SLC1A3: variants seen among roughly 807,000 people sequenced by gnomAD.
SLC1A3 encodes the protein solute carrier family 1 member 3, also known as excitatory amino acid transporter 1.
A neutral mutation model predicts 48.1 loss-of-function variants in SLC1A3; 21 were observed. The observed-to-expected ratio is 0.44, with a 90% CI of 0.31 to 0.63. The LOEUF is 0.63. SLC1A3 is among the 20% of genes least tolerant of loss of function. The pLI, the probability that SLC1A3 is intolerant of heterozygous loss-of-function variation, is 0.08. For missense variants in SLC1A3, 546 were observed against 689.0 expected (o/e 0.79, Z 2.32); for synonymous variants, 239 against 251.4 (o/e 0.95, Z 0.47).
At chr5:36,597,233 C>CCT (rs1738753242) in intron 1 of SLC1A3, among the ~76,000 whole-genome samples, 1 of 46,084 alleles carries the variant, frequency 2.2e-5, no homozygotes, top group South Asian at 1.2e-3. Context: ...TTCTTCCTTT[C>CCT]TTTTTTTTTT....
At chr5:36,612,719 G>A (rs2111678009) in intron 2 of SLC1A3, 2 of 447,508 alleles carry the variant, frequency 4.5e-6, no homozygotes, top group Non-Finnish European at 9.0e-6. Context: ...CAGAGAGGGA[G>A]GTAATTTTAT....
At chr5:36,623,862 CAAAA>C (rs5867332) in intron 2 of SLC1A3, among the ~76,000 whole-genome samples, 10 of 113,914 alleles carry the variant, frequency 8.8e-5, no homozygotes, top group Non-Finnish European at 7.2e-5. Context: ...GACACCGTCT[CAAAA>C]AAAAAAAAAA....
At chr5:36,677,209 T>C (rs1414791354) in intron 6 of SLC1A3, 25 bp downstream of exon 6, 1 of 1,592,282 alleles carries the variant, frequency 6.3e-7, no homozygotes, top group Admixed American at 1.7e-5. Context: ...TTTCTATATA[T>C]GTTATATACG....
At chr5:36,627,010 G>A (rs1739930684) in intron 2 of SLC1A3, among the ~76,000 whole-genome samples, 1 of 152,124 alleles carries the variant, frequency 6.6e-6, no homozygotes, top group African/African-American at 2.4e-5. Flanking sequence ...AAAAAGGTGT[G>A]CAGACATTGT....
At chr5:36,620,556 G>A (rs1739621732) in intron 2 of SLC1A3, among the ~76,000 whole-genome samples, 1 of 152,192 alleles carries the variant, frequency 6.6e-6, no homozygotes, top group African/African-American at 2.4e-5. Flanking sequence ...CATTCAGAAA[G>A]TGTGCTCAGC....
intron 2 of SLC1A3, among the ~76,000 whole-genome samples, chr5:36,628,496 A>G (rs1216936394): frequency 6.6e-6 from 1 of 152,140 alleles, no homozygotes; most frequent in East Asian, 1.9e-4. Context: ...GGACTTTTTT[A>G]AAAAATGGAA....
intron 2 of SLC1A3, among the ~76,000 whole-genome samples, chr5:36,621,731 C>T (rs1739680528): frequency 6.6e-6 from 1 of 152,154 alleles, no homozygotes; most frequent in South Asian, 2.1e-4. Context: ...ATTCCTTAAA[C>T]ATTTGTAGAG....
rs1012866408 is a variant in SLC1A3, at chr5:36,675,164, G to GT, written c.567+1081dup. On this transcript the variant is annotated intron_variant, in intron 5 of 9. Coordinates refer to ENST00000265113, the MANE Select transcript of SLC1A3 (RefSeq NM_004172.5). ...ATTTTACACATATAAGTCTCCCTTT[G>GT]TTTTTTTTCCCCTTGTAATAATTTT... Among the ~76,000 whole-genome samples the GT allele has an allele frequency of 4.6e-5, 7 of 151,144 alleles. No individual in the cohort carries two copies. In the South Asian group the frequency reaches 6.3e-4, roughly 14 times the overall value.
chr5:36,623,158 A>C (rs559196799), intron 2 of SLC1A3, among the ~76,000 whole-genome samples: 3 of 152,332 alleles, frequency 2.0e-5, no homozygotes, highest in Admixed American at 6.5e-5. Context: ...CATCCAGCAC[A>C]GTTATTTTGA....
intron 3 of SLC1A3, among the ~76,000 whole-genome samples, chr5:36,634,287 T>TATAAAAAAATAAATAAATAA (rs1740251608): frequency 6.7e-6 from 1 of 149,882 alleles, no homozygotes; most frequent in Admixed American, 6.6e-5. Flanking sequence ...AAAAAAGAAA[T>TATAAAAAAATAAATAAATAA]ATAAATAAAT....
At position 36,680,431 on chromosome 5, in the gene SLC1A3, A is replaced by G; in HGVS notation, c.1131A>G (p.Glu377=). The G allele has an allele frequency of 6.2e-7, 1 of 1,614,188 alleles. No individual in the cohort carries two copies. ...TACCCATCACCTTCAAGTGCCTGGA[A>G]GAGAACAATGGCGTGGACAAGCGCG... ...ATLPITFKCL[E]ENNGVDKRVT... Residue 377 remains glutamate (E), a synonymous_variant, in exon 8 of 10, where the codon GAA becomes GAG. Coordinates refer to ENST00000265113, the MANE Select transcript of SLC1A3 (RefSeq NM_004172.5).
chr5:36,638,063 T>C (rs1740464052), intron 3 of SLC1A3, among the ~76,000 whole-genome samples: 2 of 152,150 alleles, frequency 1.3e-5, no homozygotes, highest in African/African-American at 2.4e-5. Flanking sequence ...ATACCTTTAT[T>C]AGTTCAGATA....
intron 2 of SLC1A3, among the ~76,000 whole-genome samples, chr5:36,614,176 C>T (rs1561239787): frequency 6.6e-6 from 1 of 152,212 alleles, no homozygotes; most frequent in East Asian, 1.9e-4. Context: ...TATGCACAAG[C>T]CATATCACCT....
At chr5:36,602,057 G>T, upstream of SLC1A3, among the ~76,000 whole-genome samples, 1 of 152,258 alleles carries the variant, frequency 6.6e-6, no homozygotes, top group East Asian at 1.9e-4. Context: ...AACCCAGGGG[G>T]CCTTGGGAGC....
At chr5:36,676,243 T>A (rs759065887) in intron 5 of SLC1A3, among the ~76,000 whole-genome samples, 2 of 152,234 alleles carry the variant, frequency 1.3e-5, no homozygotes, top group Non-Finnish European at 2.9e-5. Flanking sequence ...TAATACCCAC[T>A]GAAATCTCTA....
chr5:36,659,241 C>A (rs558449471), intron 3 of SLC1A3, among the ~76,000 whole-genome samples: 1 of 152,230 alleles, frequency 6.6e-6, no homozygotes, highest in South Asian at 2.1e-4. Context: ...GGGACTTAAC[C>A]TCCCTGTTTC....
chr5:36,654,120 G>A (rs1287910002), intron 3 of SLC1A3, among the ~76,000 whole-genome samples: 1 of 152,216 alleles, frequency 6.6e-6, no homozygotes, highest in Admixed American at 6.5e-5. Flanking sequence ...GGGATTACAG[G>A]TGTGAGCCAC....
chr5:36,613,728 T>C (rs896859308), intron 2 of SLC1A3, among the ~76,000 whole-genome samples: 14 of 152,172 alleles, frequency 9.2e-5, no homozygotes, highest in Admixed American at 8.5e-4. Context: ...CTGAGTCCCC[T>C]GGTGTTACCA....
At chr5:36,674,494 CAA>C (rs1160176788) in intron 5 of SLC1A3, among the ~76,000 whole-genome samples, 5 of 113,664 alleles carry the variant, frequency 4.4e-5, no homozygotes, top group African/African-American at 2.1e-4. Context: ...ATTTAAATAT[CAA>C]TGGACTGTTT....
Sources: allele counts gnomAD v4.1 joint callset (sites outside exome capture counted in the v4.1 genomes callset), GRCh38; gene constraint gnomAD v4.1.1; transcripts MANE v1.5; gene names NCBI Gene and HGNC (gene_info 2026-07-23, HGNC 2026-07-21).